The following VPS13C variants were observed in gnomAD, a reference collection of about 807,000 sequenced individuals.
The protein encoded by VPS13C is intermembrane lipid transfer protein VPS13C.
VPS13C carries 358 observed loss-of-function variants against 456.8 expected under a neutral mutation model. The ratio of observed to expected loss-of-function variants is 0.78; its 90% CI spans 0.72 to 0.86. The LOEUF (loss-of-function observed/expected upper bound fraction) is 0.86, where lower values mean the gene tolerates loss of function less well. Among genes scored for constraint, VPS13C ranks in the 40% least tolerant of loss-of-function variants. The probability of loss-of-function intolerance (pLI) is 0.00; values close to 1 mark genes in which losing one functional copy is unlikely to be tolerated. For missense variants in VPS13C, 4,818 were observed against 4,385.4 expected (o/e 1.10, Z -2.79); for synonymous variants, 1,578 against 1,486.7 (o/e 1.06, Z -1.41).
intron 22 of VPS13C, among the ~76,000 whole-genome samples, chr15:61,980,183 C>CAAAAAAAAAAA (rs71125960): frequency 4.4e-5 from 2 of 45,250 alleles, no homozygotes; most frequent in African/African-American, 1.4e-4. Context: ...GACCCCATCT[C>CAAAAAAAAAAA]AAAAAAAAAA....
chr15:61,904,492 AAGAC>A (rs900194970), intron 66 of VPS13C, among the ~76,000 whole-genome samples: 12 of 151,830 alleles, frequency 7.9e-5, no homozygotes, highest in African/African-American at 2.4e-4. Flanking sequence ...AAAAAAAAAA[AAGAC>A]AGAGATGCTG....
At position 62,031,392 on chromosome 15, in the gene VPS13C, T is replaced by C. The variant is rs572310436; in HGVS notation, c.385+2049A>G. On this transcript the variant is annotated intron_variant, in intron 5 of 84. Transcript: ENST00000644861. ...AAGTATAATCAATAACTATTAATAA[T>C]GGTAAAATGTGAAATATATAAAGGT... Among the ~76,000 whole-genome samples, 5 of 152,094 alleles carry C rather than the reference T, an allele frequency of 3.3e-5. No individual in the cohort carries two copies. The East Asian group carries it at 9.7e-4, about 29-fold the overall frequency.
In VPS13C at chr15:62,025,742, A is replaced by G. The variant is rs1356711767; in HGVS notation, c.449-1897T>C. On this transcript the variant is annotated intron_variant, in intron 6 of 84. Coordinates refer to ENST00000644861, the MANE Select transcript of VPS13C (RefSeq NM_020821.3). ...TAATCCAATAAATAATAAATTTATG[A>G]TTCTCAATCACAAACTAAAGCAGTT... 2.0e-5 allele frequency among the ~76,000 whole-genome samples: 3 copies of G among 152,104 alleles called. No homozygotes were observed. The East Asian group carries it at 5.8e-4, about 29-fold the overall frequency.
Position 61,954,471 on chromosome 15 carries a change from T to G in VPS13C, c.4249A>C (p.Ile1417Leu), listed in dbSNP as rs140338178. 9.3e-4 allele frequency: 1,503 copies of G among 1,609,982 alleles called. 2 individuals are homozygous for G. The highest frequency in any genetic ancestry group is 1.0e-3 in the Non-Finnish European group (1,189 of 1,178,322). ...KNTLTTGVEEIRSVDIINMLL... is the reference protein window; with the variant it reads ...KNTLTTGVEELRSVDIINMLL... ...ATATTAATGATGTCTACAGACCTAA[T>G]TTCTTCCACTCCAGTTGTTAAAGTA... is the stretch of plus-strand genomic sequence containing the variant. The change falls in exon 38 of 85, where the codon ATT (isoleucine) becomes CTT (leucine). Residue 1417 changes from isoleucine to leucine, a missense_variant. This residue lies in a region of VPS13C where 4,552 missense variants were observed against 4,130.6 expected (regional missense o/e 1.10). Coordinates refer to ENST00000644861, the MANE Select transcript of VPS13C (RefSeq NM_020821.3).
rs372211702 is a variant in VPS13C at position 61,946,323 on chromosome 15, T to C, written c.4964A>G (p.Gln1655Arg). 11 of 1,595,844 alleles carry C rather than the reference T, an allele frequency of 6.9e-6. No individual in the cohort carries two copies. The highest frequency in any genetic ancestry group is 8.5e-6 in the Non-Finnish European group (10 of 1,174,248). Reference protein sequence around the residue: ...KDIIVMNVDLQSIHKKAVSIL... With the variant: ...KDIIVMNVDLRSIHKKAVSIL... ...TTTAATCACCTTTTTGTGAATGGAC[T>C]GCAAATCTACATTCATAACTATAAT... The change falls in exon 44 of 85, where the codon CAG becomes CGG. Residue 1655 changes from glutamine to arginine, a missense_variant. Transcript: ENST00000644861.
At chr15:61,907,223 G>A in intron 66 of VPS13C, 41 bp downstream of exon 66, 1 of 1,612,082 alleles carries the variant, frequency 6.2e-7, no homozygotes, top group Non-Finnish European at 8.5e-7. Context: ...TTCCTTCACT[G>A]TCAGGTAACT....
At chr15:61,880,273 GCT>G (rs947257654) in intron 73 of VPS13C, among the ~76,000 whole-genome samples, 3 of 152,198 alleles carry the variant, frequency 2.0e-5, no homozygotes, top group South Asian at 4.1e-4. Context: ...ACCCATTATA[GCT>G]CTCTGTTTAG....
chr15:61,974,731 A>T (rs2045653205), intron 24 of VPS13C, among the ~76,000 whole-genome samples: 1 of 152,166 alleles, frequency 6.6e-6, no homozygotes, highest in Non-Finnish European at 1.5e-5. Context: ...AAAGATTCTT[A>T]TTATAAACAT....
At chr15:61,873,788 A>C (rs1426958053) in intron 77 of VPS13C, among the ~76,000 whole-genome samples, 1 of 152,098 alleles carries the variant, frequency 6.6e-6, no homozygotes, top group Non-Finnish European at 1.5e-5. Context: ...TGAAACTAGA[A>C]CTACCGTATG....
At chr15:61,882,551 T>C (rs1223559641) in intron 69 of VPS13C, 45 bp downstream of exon 69, 15 of 1,440,232 alleles carry the variant, frequency 1.0e-5, no homozygotes, top group South Asian at 1.7e-5. Context: ...ATTCCCAAGA[T>C]TCCCAAAGTG....
intron 14 of VPS13C, 96 bp downstream of exon 14, chr15:62,008,559 C>A (rs1052572995): frequency 3.0e-6 from 2 of 665,056 alleles, no homozygotes; most frequent in African/African-American, 1.9e-5. Context: ...TTTAAAGTGG[C>A]TGAATTACTT....
chr15:61,997,728 T>A lies in VPS13C; in HGVS notation c.1353+2836A>T, dbSNP rs542183012. Among the ~76,000 whole-genome samples the A allele has an allele frequency of 3.9e-5, 6 of 152,276 alleles. No individual in the cohort carries two copies. The East Asian group carries it at 9.7e-4, about 25-fold the overall frequency. ...ACTGGCTGTACCCTCAAAGTATATC[T>A]AGAATCTGACCCTTTCTGATCACCT... On this transcript the variant is annotated intron_variant, in intron 16 of 84. Transcript: ENST00000644861.
intron 23 of VPS13C, 54 bp downstream of exon 23, chr15:61,978,572 T>TAC: frequency 6.3e-7 from 1 of 1,582,360 alleles, no homozygotes; most frequent in Admixed American, 1.8e-5. Flanking sequence ...ACACGTATAT[T>TAC]ACACAAACTA....
intron 15 of VPS13C, among the ~76,000 whole-genome samples, chr15:62,001,272 T>C (rs1218332634): frequency 6.6e-6 from 1 of 152,196 alleles, no homozygotes; most frequent in Non-Finnish European, 1.5e-5. Context: ...AGAAGGACAC[T>C]TGGTAAATAT....
At position 62,023,778 on chromosome 15, in the gene VPS13C, A is replaced by C; in HGVS notation, c.514+2T>G. On this transcript the variant is annotated splice_donor_variant, in intron 7 of 84. Transcript: ENST00000644861. LOFTEE classifies it high-confidence loss of function. Reference sequence around the variant, plus strand: ...CCATGGCATAAAACTACTTTTACCTACCTTTTGAACGATCAAGACCTTTAA... The same window carrying C: ...CCATGGCATAAAACTACTTTTACCTCCCTTTTGAACGATCAAGACCTTTAA... The C allele has an allele frequency of 6.2e-7, 1 of 1,609,114 alleles. No individual in the cohort carries two copies. Among genetic ancestry groups the C allele is most frequent in the Non-Finnish European group, 8.5e-7 (1 of 1,177,152 alleles).
At chr15:61,918,769 G>C (rs2043554018) in intron 58 of VPS13C, among the ~76,000 whole-genome samples, 1 of 151,950 alleles carries the variant, frequency 6.6e-6, no homozygotes, top group Admixed American at 6.6e-5. Flanking sequence ...TTCTTTTGTT[G>C]ACCATATGCT....
intron 66 of VPS13C, among the ~76,000 whole-genome samples, chr15:61,892,603 A>G (rs1566974050): frequency 6.6e-6 from 1 of 152,166 alleles, no homozygotes; most frequent in Non-Finnish European, 1.5e-5. Flanking sequence ...TGTCCACAAG[A>G]AACAACAGCA....
chr15:62,042,354 A>C (rs1433061015), intron 2 of VPS13C, among the ~76,000 whole-genome samples: 1 of 152,162 alleles, frequency 6.6e-6, no homozygotes, highest in African/African-American at 2.4e-5. Flanking sequence ...CCTTTCCGTT[A>C]GGTTTGACTT....
At chr15:62,040,401 A>G (rs2048200774) in intron 3 of VPS13C, among the ~76,000 whole-genome samples, 1 of 152,176 alleles carries the variant, frequency 6.6e-6, no homozygotes, top group Non-Finnish European at 1.5e-5. Flanking sequence ...AGGTGATAGA[A>G]ACCTCATTTA....
Sources: allele counts gnomAD v4.1 joint callset (sites outside exome capture counted in the v4.1 genomes callset), GRCh38; gene constraint gnomAD v4.1.1; regional missense constraint gnomAD v4.1.1; transcripts MANE v1.5; gene names NCBI Gene and HGNC (gene_info 2026-07-23, HGNC 2026-07-21).